USP37: variants seen among roughly 807,000 people sequenced by gnomAD.
USP37 encodes the protein ubiquitin carboxyl-terminal hydrolase 37.
In USP37, 27 loss-of-function variants were observed where a neutral mutation model predicts 124.0. That is an observed-to-expected ratio of 0.22 (90% CI 0.16 to 0.30). The LOEUF (loss-of-function observed/expected upper bound fraction) is 0.30, where lower values mean the gene tolerates loss of function less well. Ranked by LOEUF, USP37 falls within the 10% of genes least tolerant of loss-of-function variation. The pLI is 1.00. For missense variants in USP37, 889 were observed against 1,140.4 expected (o/e 0.78, Z 3.17); for synonymous variants, 365 against 388.0 (o/e 0.94, Z 0.70).
intron 20 of USP37, among the ~76,000 whole-genome samples, chr2:218,468,265 C>T (rs1320706711): frequency 6.6e-6 from 1 of 151,828 alleles, no homozygotes; most frequent in Non-Finnish European, 1.5e-5. Flanking sequence ...AGTGCAAGGG[C>T]GTGATTGTGG....
intron 17 of USP37, 25 bp from the exon 18 acceptor site, chr2:218,479,740 A>C: frequency 1.5e-6 from 2 of 1,325,882 alleles, no homozygotes; most frequent in Non-Finnish European, 2.0e-6. Context: ...GAAAATATAT[A>C]ATGTATACAA....
chr2:218,547,583 CAAAAAAAAA>C (rs58787835), intron 6 of USP37, among the ~76,000 whole-genome samples: 3 of 71,612 alleles, frequency 4.2e-5, no homozygotes, highest in Non-Finnish European at 6.5e-5. Context: ...AATTACTAAC[CAAAAAAAAA>C]AAAAAAAAAA....
chr2:218,520,933 G>A (rs1389469510), intron 10 of USP37, among the ~76,000 whole-genome samples: 1 of 152,152 alleles, frequency 6.6e-6, no homozygotes, highest in Non-Finnish European at 1.5e-5. Context: ...CTTGGTGGAA[G>A]GTGATTGGAT....
chr2:218,562,210 T>A (rs1033928715), intron 2 of USP37, among the ~76,000 whole-genome samples: 2 of 152,198 alleles, frequency 1.3e-5, no homozygotes, highest in Admixed American at 6.5e-5. Flanking sequence ...AGTAAAAAAC[T>A]AAGTTTCTTT....
intron 23 of USP37, 120 bp from the exon 24 acceptor site, chr2:218,457,281 C>A: frequency 1.0e-6 from 1 of 960,814 alleles, no homozygotes; most frequent in South Asian, 1.7e-5. Context: ...TAGTAAGAAT[C>A]AATTAAAAAA....
At chr2:218,499,762 C>T (rs1166421691) in intron 11 of USP37, among the ~76,000 whole-genome samples, 1 of 152,032 alleles carries the variant, frequency 6.6e-6, no homozygotes, top group African/African-American at 2.4e-5. Flanking sequence ...TTGAAGAATA[C>T]AGTTCTCCCT....
chr2:218,550,504 T>G (rs1413565634), intron 5 of USP37, among the ~76,000 whole-genome samples: 1 of 152,098 alleles, frequency 6.6e-6, no homozygotes, highest in East Asian at 1.9e-4. Context: ...TTTTCAAAGT[T>G]GCAAACAATG....
intron 14 of USP37, among the ~76,000 whole-genome samples, chr2:218,494,768 A>G (rs1006705681): frequency 6.6e-6 from 1 of 152,222 alleles, no homozygotes; most frequent in African/African-American, 2.4e-5. Context: ...AAAATATTTT[A>G]AAGTGATGTG....
At chr2:218,522,282 G>C (rs598701) in intron 10 of USP37, among the ~76,000 whole-genome samples, 70,476 of 151,770 alleles carry the variant, frequency 0.46, 19,515 homozygotes, top group East Asian at 0.78. Context: ...AGAATTTAAG[G>C]CTGAGCACAC....
chr2:218,467,315 A>ATATC (rs55656029), intron 20 of USP37, among the ~76,000 whole-genome samples: 56,965 of 141,384 alleles, frequency 0.4, 11,400 homozygotes, highest in East Asian at 0.57. Flanking sequence ...CAGCTAATCT[A>ATATC]TATCTATCTA....
At chr2:218,477,695 AAC>A (rs755787624) in intron 18 of USP37, among the ~76,000 whole-genome samples, 39 of 152,232 alleles carry the variant, frequency 2.6e-4, no homozygotes, top group Non-Finnish European at 5.1e-4. Context: ...ATCATATTGA[AAC>A]ACAGTGCAAT....
chr2:218,544,092 A>G (rs1254490069), intron 8 of USP37, among the ~76,000 whole-genome samples: 1 of 151,988 alleles, frequency 6.6e-6, no homozygotes. Context: ...AAAGTATATT[A>G]AAACAGGCCA....
At chr2:218,505,263 C>G (rs1181725342) in intron 11 of USP37, among the ~76,000 whole-genome samples, 1 of 152,168 alleles carries the variant, frequency 6.6e-6, no homozygotes, top group Non-Finnish European at 1.5e-5. Context: ...AAGTGATCTG[C>G]CTGCCTCAGA....
At chr2:218,464,444 GC>G (rs1442820716) in intron 21 of USP37, among the ~76,000 whole-genome samples, 28 of 151,688 alleles carry the variant, frequency 1.8e-4, no homozygotes, top group Non-Finnish European at 1.8e-4. Context: ...CACCATTTTG[GC>G]CAGGCTGGTC....
chr2:218,552,380 T>A (rs1043605155), intron 5 of USP37, among the ~76,000 whole-genome samples: 46 of 152,224 alleles, frequency 3.0e-4, no homozygotes, highest in African/African-American at 1.1e-3. Context: ...AAGACTAATG[T>A]GATAGTAGAG....
At chr2:218,496,101 C>T in intron 13 of USP37, 151 bp from the exon 14 acceptor site, 2 of 657,876 alleles carry the variant, frequency 3.0e-6, no homozygotes, top group Non-Finnish European at 4.8e-6. Context: ...CGAGACCAGC[C>T]CGGCCAACAT....
intron 5 of USP37, among the ~76,000 whole-genome samples, chr2:218,551,153 CAA>C (rs770286006): frequency 2.0e-5 from 3 of 152,080 alleles, no homozygotes; most frequent in Non-Finnish European, 4.4e-5. Context: ...AACACTTTAT[CAA>C]ATATTAGTCT....
chr2:218,539,442 C>A (rs1691852448), intron 8 of USP37, among the ~76,000 whole-genome samples: 1 of 152,104 alleles, frequency 6.6e-6, no homozygotes, highest in Non-Finnish European at 1.5e-5. Context: ...TGGCCGGGCA[C>A]AGTGGCTCAC....
chr2:218,505,715 T>C (rs1047819534), intron 11 of USP37, among the ~76,000 whole-genome samples: 21 of 152,178 alleles, frequency 1.4e-4, no homozygotes, highest in African/African-American at 5.1e-4. Context: ...GAACTGAGGA[T>C]TTTTCCTTGT....
Sources: gnomAD v4.1 joint callset for allele counts (sites outside exome capture counted in the v4.1 genomes callset) on GRCh38, gnomAD v4.1.1 for gene constraint, MANE v1.5 for transcripts, NCBI Gene and HGNC (gene_info 2026-07-23, HGNC 2026-07-21) for gene names.